Variants in CSMD1 observed in about 807,000 individuals in gnomAD.
The protein encoded by CSMD1 is CUB and Sushi multiple domains 1.
A neutral mutation model predicts 417.5 loss-of-function variants in CSMD1; 213 were observed. That is an observed-to-expected ratio of 0.51 (90% CI 0.46 to 0.57). The LOEUF is 0.57. Among genes scored for constraint, CSMD1 ranks in the 20% least tolerant of loss-of-function variants. The pLI, the probability that CSMD1 is intolerant of heterozygous loss-of-function variation, is 0.00. For missense variants in CSMD1, 6,923 were observed against 4,529.7 expected (o/e 1.53, Z -15.17); for synonymous variants, 2,862 against 1,736.8 (o/e 1.65, Z -16.11).
At chr8:3,538,048 G>C (rs932596090) in intron 10 of CSMD1, among the ~76,000 whole-genome samples, 4 of 152,164 alleles carry the variant, frequency 2.6e-5, no homozygotes, top group African/African-American at 9.7e-5. Flanking sequence ...TGCTAGATGT[G>C]CAGAACCTGA....
rs533820350 is a variant in CSMD1, at chr8:4,867,014, G to A, written c.85+127318C>T. Among the ~76,000 whole-genome samples, 3 of 151,854 alleles carry A rather than the reference G, an allele frequency of 2.0e-5. No individual in the cohort carries two copies. In the South Asian group the frequency reaches 6.2e-4, roughly 32 times the overall value. ...CTCAGCATATTACTACTCAATTCTC[G>A]GCAGGCTTTGATTGCGTTTTTGTTT... is the stretch of plus-strand genomic sequence containing the variant. On this transcript the variant is annotated intron_variant, in intron 1 of 69. Coordinates refer to ENST00000635120, the MANE Select transcript of CSMD1 (RefSeq NM_033225.6).
At chr8:4,489,123 G>A (rs1027972688) in intron 2 of CSMD1, among the ~76,000 whole-genome samples, 2 of 152,090 alleles carry the variant, frequency 1.3e-5, no homozygotes, top group Admixed American at 1.3e-4. Context: ...TGTCGGCCAG[G>A]CTGGTCTCAA....
Position 4,958,650 on chromosome 8 carries a change from CT to C in CSMD1, c.85+35681del, listed in dbSNP as rs1344850098. ...AAGTATGGGATCTATGTGAACCAGT[CT>C]TTCTGGTTTTGTGAGTTACCATGGA... On this transcript the variant is annotated intron_variant, in intron 1 of 69. Transcript: ENST00000635120. 6.6e-5 allele frequency among the ~76,000 whole-genome samples: 10 copies of C among 152,214 alleles called. No homozygotes were observed. The South Asian group carries it at 2.1e-3, about 32-fold the overall frequency.
At chr8:4,300,525 CTTT>C (rs376445695) in intron 3 of CSMD1, among the ~76,000 whole-genome samples, 7 of 152,002 alleles carry the variant, frequency 4.6e-5, no homozygotes, top group Admixed American at 2.6e-4. Flanking sequence ...CCTTTACAGA[CTTT>C]TTTTTACATT....
chr8:4,969,108 T>A (rs913223438), intron 1 of CSMD1, among the ~76,000 whole-genome samples: 1 of 152,154 alleles, frequency 6.6e-6, no homozygotes, highest in Non-Finnish European at 1.5e-5. Context: ...GTTGCTTTTA[T>A]AATTTGCAGG....
At chr8:3,299,588 C>A (rs565883374) in intron 25 of CSMD1, among the ~76,000 whole-genome samples, 2 of 150,492 alleles carry the variant, frequency 1.3e-5, no homozygotes, top group Non-Finnish European at 3.0e-5. Context: ...CACCATACAG[C>A]GGACATAGGT....
chr8:4,193,531 C>T (rs537309625), intron 3 of CSMD1, among the ~76,000 whole-genome samples: 24 of 152,138 alleles, frequency 1.6e-4, no homozygotes, highest in Middle Eastern at 3.4e-3. Flanking sequence ...CAAGGACTGG[C>T]TGAAGAGGTC....
chr8:3,614,020 G>A (rs1165618806), intron 8 of CSMD1, among the ~76,000 whole-genome samples: 1 of 151,648 alleles, frequency 6.6e-6, no homozygotes, highest in Non-Finnish European at 1.5e-5. Flanking sequence ...AAAGTTCTAG[G>A]AAATCTATCA....
intron 21 of CSMD1, among the ~76,000 whole-genome samples, chr8:3,355,119 T>C (rs989421467): frequency 4.9e-4 from 75 of 152,188 alleles, no homozygotes; most frequent in African/African-American, 1.8e-3. Flanking sequence ...TTTCGCCCAA[T>C]GACTTTCTAC....
chr8:2,976,236 CT>C (rs1804913384), intron 55 of CSMD1, among the ~76,000 whole-genome samples: 1 of 151,036 alleles, frequency 6.6e-6, no homozygotes, highest in Non-Finnish European at 1.5e-5. Flanking sequence ...AAAAAAAAAA[CT>C]GCAACACTAA....
chr8:3,204,261 T>C lies in CSMD1; in HGVS notation c.4984+1243A>G, dbSNP rs200049013. 1.4e-4 allele frequency among the ~76,000 whole-genome samples: 22 copies of C among 152,344 alleles called. No homozygotes were observed. In the East Asian group the frequency reaches 4.0e-3, roughly 28 times the overall value. On this transcript the variant is annotated intron_variant, in intron 31 of 69. Coordinates refer to ENST00000635120, the MANE Select transcript of CSMD1 (RefSeq NM_033225.6). ...CTGAAAATTTTTAATTGTGTAATGA[T>C]GACAATAATATTTTGTATTTAACTA...
In CSMD1 at chr8:4,432,298, G is replaced by A. The variant is rs578052929; in HGVS notation, c.303-12233C>T. Among the ~76,000 whole-genome samples the A allele has an allele frequency of 2.0e-5, 3 of 152,134 alleles. 1 individual carries two copies. In the South Asian group the frequency reaches 6.2e-4, roughly 32 times the overall value. On this transcript the variant is annotated intron_variant, in intron 2 of 69. Coordinates refer to ENST00000635120, the MANE Select transcript of CSMD1 (RefSeq NM_033225.6). ...AGGTGTAGGTTTTTATGAGGCAAGAGCCCAGAGACTAGGCAGCTTAAGTAA... is the reference window on the plus strand; with the variant it reads ...AGGTGTAGGTTTTTATGAGGCAAGAACCCAGAGACTAGGCAGCTTAAGTAA...
chr8:4,951,951 C>A (rs1585395661), intron 1 of CSMD1, among the ~76,000 whole-genome samples: 1 of 151,346 alleles, frequency 6.6e-6, no homozygotes, highest in East Asian at 1.9e-4. Flanking sequence ...AGGCCTGAAA[C>A]TGGTGACTCC....
intron 6 of CSMD1, among the ~76,000 whole-genome samples, chr8:3,749,565 C>T (rs1456866607): frequency 6.6e-6 from 1 of 152,064 alleles, no homozygotes. Flanking sequence ...TGTTGGTTGT[C>T]ATTTATTTGA....
chr8:4,747,185 G>T (rs1190213161), intron 1 of CSMD1, among the ~76,000 whole-genome samples: 1 of 152,126 alleles, frequency 6.6e-6, no homozygotes, highest in Admixed American at 6.6e-5. Flanking sequence ...AGGAGTCCTT[G>T]TTTTCTTGTC....
At chr8:4,774,154 C>T (rs756139437) in intron 1 of CSMD1, among the ~76,000 whole-genome samples, 3 of 152,160 alleles carry the variant, frequency 2.0e-5, no homozygotes, top group Non-Finnish European at 4.4e-5. Flanking sequence ...GAGCCAATAT[C>T]GTGCCACTGC....
intron 3 of CSMD1, among the ~76,000 whole-genome samples, chr8:4,402,390 C>G (rs770086395): frequency 6.6e-6 from 1 of 152,092 alleles, no homozygotes; most frequent in Non-Finnish European, 1.5e-5. Context: ...CTGGCTCTGA[C>G]CTCTCCGCTA....
At chr8:4,435,250 G>C (rs151032112) in intron 2 of CSMD1, among the ~76,000 whole-genome samples, 3 of 152,124 alleles carry the variant, frequency 2.0e-5, no homozygotes, top group Non-Finnish European at 4.4e-5. Flanking sequence ...AAAAATGTAT[G>C]TTTTATAAGT....
chr8:4,638,578 G>A (rs1802990995), intron 1 of CSMD1, among the ~76,000 whole-genome samples: 1 of 152,158 alleles, frequency 6.6e-6, no homozygotes, highest in African/African-American at 2.4e-5. Context: ...CAGAAAGGAA[G>A]GTGTACCACA....
Sources: gnomAD v4.1 joint callset for allele counts (sites outside exome capture counted in the v4.1 genomes callset) on GRCh38, gnomAD v4.1.1 for gene constraint, MANE v1.5 for transcripts, NCBI Gene and HGNC (gene_info 2026-07-23, HGNC 2026-07-21) for gene names.